LRMDA: variants seen among roughly 807,000 people sequenced by gnomAD.
The protein encoded by LRMDA is leucine-rich melanocyte differentiation-associated protein.
LRMDA carries 18 observed loss-of-function variants against 29.8 expected under a neutral mutation model. The observed-to-expected ratio is 0.60, with a 90% confidence interval of 0.42 to 0.90. The LOEUF is 0.90. Among genes scored for constraint, LRMDA ranks in the 40% least tolerant of loss-of-function variants. The pLI, the probability that LRMDA is intolerant of heterozygous loss-of-function variation, is 0.00. For synonymous variants in LRMDA, 125 were observed against 109.4 expected, an observed-to-expected ratio of 1.14 and a Z score of -0.89; for missense variants, 273 against 273.9, an observed-to-expected ratio of 1.00 and a Z score of 0.02.
chr10:76,005,927 T>TTAAATAAATAAA (rs10590818), intron 2 of LRMDA, among the ~76,000 whole-genome samples: 4,017 of 148,458 alleles, frequency 0.027, 53 homozygotes, highest in Middle Eastern at 0.054. Context: ...AGACTCCATC[T>TTAAATAAATAAA]TAAATAAATA....
intron 5 of LRMDA, among the ~76,000 whole-genome samples, chr10:76,305,586 G>A (rs1353458249): frequency 6.6e-6 from 1 of 152,158 alleles, no homozygotes; most frequent in Non-Finnish European, 1.5e-5. Flanking sequence ...ACAGGGTAGT[G>A]TTTCTTTAGA....
At chr10:76,214,970 C>G (rs984884042) in intron 5 of LRMDA, among the ~76,000 whole-genome samples, 4 of 152,150 alleles carry the variant, frequency 2.6e-5, no homozygotes. Flanking sequence ...TAATGGGGCC[C>G]AAGTTTAGAA....
At chr10:76,021,006 G>A (rs1847966141) in intron 2 of LRMDA, among the ~76,000 whole-genome samples, 1 of 152,218 alleles carries the variant, frequency 6.6e-6, no homozygotes, top group Admixed American at 6.5e-5. Context: ...CTTCTGGAAA[G>A]GAGGCAGGAT....
intron 2 of LRMDA, among the ~76,000 whole-genome samples, chr10:75,535,278 TCAA>T (rs1375060191): frequency 6.6e-6 from 1 of 152,154 alleles, no homozygotes; most frequent in Non-Finnish European, 1.5e-5. Context: ...TGACACACCA[TCAA>T]CAACCTGAAA....
chr10:76,207,001 A>G (rs1851548888), intron 5 of LRMDA, among the ~76,000 whole-genome samples: 1 of 152,188 alleles, frequency 6.6e-6, no homozygotes, highest in Non-Finnish European at 1.5e-5. Context: ...TTTCCATTTC[A>G]TATGGAGGAA....
intron 2 of LRMDA, among the ~76,000 whole-genome samples, chr10:75,690,183 C>G (rs1239092524): frequency 6.6e-6 from 1 of 152,186 alleles, no homozygotes; most frequent in Non-Finnish European, 1.5e-5. Flanking sequence ...GATCTTCCAG[C>G]TTTCATGAGA....
chr10:76,525,159 G>T (rs1444490341), intron 6 of LRMDA, among the ~76,000 whole-genome samples: 1 of 152,148 alleles, frequency 6.6e-6, no homozygotes. Flanking sequence ...TCTTGCAAAA[G>T]ATATGAATTG....
intron 2 of LRMDA, among the ~76,000 whole-genome samples, chr10:75,993,790 G>T (rs183354496): frequency 1.3e-5 from 2 of 151,982 alleles, no homozygotes; most frequent in African/African-American, 4.8e-5. Flanking sequence ...TTATTGGTAC[G>T]TGGTGGAGCT....
chr10:75,925,310 G>A (rs1846101991), intron 2 of LRMDA, among the ~76,000 whole-genome samples: 1 of 152,036 alleles, frequency 6.6e-6, no homozygotes, highest in South Asian at 2.1e-4. Context: ...GCAGGGGCCT[G>A]GCTGGTAATG....
chr10:75,451,762 C>T (rs539405225), intron 2 of LRMDA: 15 of 151,908 alleles, frequency 9.9e-5, no homozygotes, highest in Non-Finnish European at 1.9e-4. Flanking sequence ...GCCAAGGGAA[C>T]ATTTTGTTAA....
intron 2 of LRMDA, among the ~76,000 whole-genome samples, chr10:75,563,032 A>G (rs1158429670): frequency 6.6e-6 from 1 of 152,034 alleles, no homozygotes; most frequent in Admixed American, 6.5e-5. Flanking sequence ...CTTGAGGAGT[A>G]TCTTTGTGGT....
At chr10:76,443,211 T>C (rs1842321446) in intron 6 of LRMDA, among the ~76,000 whole-genome samples, 1 of 152,194 alleles carries the variant, frequency 6.6e-6, no homozygotes, top group South Asian at 2.1e-4. Context: ...CAGTTTCAAA[T>C]GCAAAACCCA....
At chr10:76,055,232 G>A (rs1363130244) in intron 4 of LRMDA, among the ~76,000 whole-genome samples, 1 of 152,068 alleles carries the variant, frequency 6.6e-6, no homozygotes, top group Non-Finnish European at 1.5e-5. Flanking sequence ...ACTGAGGCCA[G>A]GGAGGAAACA....
intron 6 of LRMDA, among the ~76,000 whole-genome samples, chr10:76,408,195 C>T (rs1229815882): frequency 2.0e-5 from 3 of 152,044 alleles, no homozygotes; most frequent in African/African-American, 4.8e-5. Flanking sequence ...TTTCTCATTC[C>T]GTGGTTATTT....
chr10:75,532,492 T>C (rs531825492), intron 2 of LRMDA, among the ~76,000 whole-genome samples: 151 of 152,226 alleles, frequency 9.9e-4, no homozygotes, highest in African/African-American at 3.4e-3. Flanking sequence ...GAGAGACCAG[T>C]TTGCCAAACA....
intron 5 of LRMDA, among the ~76,000 whole-genome samples, chr10:76,134,988 A>T (rs1850067226): frequency 1.3e-5 from 2 of 152,232 alleles, no homozygotes; most frequent in South Asian, 4.1e-4. Flanking sequence ...GCCTTTGAAA[A>T]TTTAAAAACA....
chr10:75,605,556 A>C (rs1012254502), intron 2 of LRMDA, among the ~76,000 whole-genome samples: 4 of 152,220 alleles, frequency 2.6e-5, no homozygotes, highest in Admixed American at 2.0e-4. Flanking sequence ...CTTTGATCTG[A>C]TTGGAGAGTG....
chr10:76,293,005 G>A, intron 5 of LRMDA, among the ~76,000 whole-genome samples: 1 of 152,132 alleles, frequency 6.6e-6, no homozygotes, highest in Non-Finnish European at 1.5e-5. Context: ...TTCTTGCTCT[G>A]TCACCCAGTC....
rs747816453 is a variant in LRMDA at position 76,557,246 on chromosome 10, A to G, written c.639A>G (p.Lys213=). 8 of 1,614,042 alleles carry G rather than the reference A, an allele frequency of 5.0e-6. No homozygotes were observed. The East Asian group carries it at 1.3e-4, about 27-fold the overall frequency. ...AGTGTCGCTACGTTTACTATGGGAA[A>G]AACTCAGAGGGCAACAGGTTTATCC... ...LGKCRYVYYG[K]NSEGNRFIRD... The change falls in exon 7 of 7, where the codon AAA becomes AAG. Residue 213 remains lysine, a synonymous_variant. Coordinates refer to ENST00000611255, the MANE Select transcript of LRMDA (RefSeq NM_001305581.2).
Sources: allele counts gnomAD v4.1 joint callset (sites outside exome capture counted in the v4.1 genomes callset), GRCh38; gene constraint gnomAD v4.1.1; transcripts MANE v1.5; gene names NCBI Gene and HGNC (gene_info 2026-07-23, HGNC 2026-07-21).